Variants in SEMA6A observed in about 807,000 individuals in gnomAD.
SEMA6A encodes semaphorin-6A.
A neutral mutation model predicts 96.8 loss-of-function variants in SEMA6A; 25 were observed. That is an observed-to-expected ratio of 0.26 (90% CI 0.19 to 0.36). The LOEUF (loss-of-function observed/expected upper bound fraction) is 0.36, where lower values mean the gene tolerates loss of function less well. SEMA6A is among the 10% of genes least tolerant of loss of function. The pLI, the probability that SEMA6A is intolerant of heterozygous loss-of-function variation, is 1.00. For missense variants in SEMA6A, 1,363 were observed against 1,323.1 expected, an observed-to-expected ratio of 1.03 and a Z score of -0.47; for synonymous variants, 612 against 518.0, an observed-to-expected ratio of 1.18 and a Z score of -2.46.
intron 3 of SEMA6A, chr5:116,498,661 A>G (rs1286369043): frequency 6.6e-6 from 1 of 152,104 alleles, no homozygotes; most frequent in Non-Finnish European, 1.5e-5. Flanking sequence ...AGTTTCTTCA[A>G]ACTTCAGTAG....
intron 16 of SEMA6A, among the ~76,000 whole-genome samples, chr5:116,474,937 G>T (rs977045290): frequency 6.6e-6 from 1 of 152,116 alleles, no homozygotes; most frequent in African/African-American, 2.4e-5. Flanking sequence ...GATCCTTTAC[G>T]TAAAGTTCTA....
intron 1 of SEMA6A, among the ~76,000 whole-genome samples, chr5:116,522,380 C>T (rs1758998019): frequency 6.6e-6 from 1 of 152,094 alleles, no homozygotes; most frequent in Non-Finnish European, 1.5e-5. Context: ...GGATTTTTCC[C>T]AGGATCCCGT....
At chr5:116,449,517 G>A (rs1178174270) in intron 18 of SEMA6A, 8 of 561,384 alleles carry the variant, frequency 1.4e-5, no homozygotes, top group South Asian at 9.3e-5. Flanking sequence ...AGACCTTGAA[G>A]CTTTCTCATG....
intron 1 of SEMA6A, among the ~76,000 whole-genome samples, chr5:116,560,721 C>T (rs760662378): frequency 4.6e-5 from 7 of 151,992 alleles, no homozygotes; most frequent in Non-Finnish European, 7.4e-5. Context: ...TAAAATAGGA[C>T]TAGAATCCCA....
intron 18 of SEMA6A, among the ~76,000 whole-genome samples, chr5:116,464,698 G>C (rs889302862): frequency 6.6e-6 from 1 of 152,172 alleles, no homozygotes; most frequent in Non-Finnish European, 1.5e-5. Context: ...AGGGTGTTTC[G>C]ACAGAATGTG....
chr5:116,507,775 C>T (rs1758216767), intron 1 of SEMA6A, among the ~76,000 whole-genome samples: 2 of 152,098 alleles, frequency 1.3e-5, no homozygotes, highest in African/African-American at 4.8e-5. Context: ...CATAAGTAAG[C>T]CTATTATATC....
intron 1 of SEMA6A, among the ~76,000 whole-genome samples, chr5:116,554,050 C>T (rs183534102): frequency 9.2e-5 from 14 of 152,188 alleles, no homozygotes; most frequent in Admixed American, 3.9e-4. Flanking sequence ...AGGAGGGCCA[C>T]AGAGAGCCCT....
intron 18 of SEMA6A, among the ~76,000 whole-genome samples, chr5:116,460,788 T>G (rs1464442073): frequency 9.3e-6 from 1 of 107,018 alleles, no homozygotes; most frequent in Non-Finnish European, 2.0e-5. Flanking sequence ...AATCTCTTTT[T>G]TTTTTTTTTT....
At chr5:116,478,476 C>T in intron 13 of SEMA6A, 66 bp downstream of exon 13, 1 of 1,435,696 alleles carries the variant, frequency 7.0e-7, no homozygotes, top group Non-Finnish European at 9.3e-7. Flanking sequence ...ATGATTTTCT[C>T]TGAATGAAAG....
intron 1 of SEMA6A, among the ~76,000 whole-genome samples, chr5:116,527,029 C>T (rs1040477103): frequency 6.6e-6 from 1 of 152,034 alleles, no homozygotes; most frequent in Non-Finnish European, 1.5e-5. Flanking sequence ...AATCTGTGAC[C>T]TTAATATTAC....
intron 11 of SEMA6A, among the ~76,000 whole-genome samples, chr5:116,481,040 CCCTCACGA>C (rs1756736337): frequency 6.6e-6 from 1 of 152,074 alleles, no homozygotes; most frequent in Non-Finnish European, 1.5e-5. Flanking sequence ...GGAGATTGGA[CCCTCACGA>C]CACCAGCATG....
At chr5:116,504,682 T>A (rs1758057568) in intron 2 of SEMA6A, among the ~76,000 whole-genome samples, 163 bp downstream of exon 2, 1 of 152,154 alleles carries the variant, frequency 6.6e-6, no homozygotes, top group South Asian at 2.1e-4. Context: ...TATAGAAAAA[T>A]CATCCTATCA....
intron 1 of SEMA6A, among the ~76,000 whole-genome samples, chr5:116,534,033 G>GA (rs1287605740): frequency 2.0e-5 from 3 of 152,150 alleles, no homozygotes; most frequent in Non-Finnish European, 4.4e-5. Flanking sequence ...TCCCTTGAGG[G>GA]AAAAGTCCTT....
chr5:116,548,620 T>C (rs1021414693), intron 1 of SEMA6A, among the ~76,000 whole-genome samples: 3 of 152,164 alleles, frequency 2.0e-5, no homozygotes, highest in African/African-American at 7.2e-5. Context: ...AGTTTTAAGA[T>C]ATGTTTCCAA....
chr5:116,512,591 C>A (rs1386128518), intron 1 of SEMA6A, among the ~76,000 whole-genome samples: 1 of 152,136 alleles, frequency 6.6e-6, no homozygotes, highest in African/African-American at 2.4e-5. Context: ...AATATCTTTT[C>A]AAAAAATAAA....
rs1323962242 is a variant in SEMA6A at position 116,478,046 on chromosome 5, A to C, written c.1536T>G (p.Leu512=). The C allele has an allele frequency of 6.2e-7, 1 of 1,613,886 alleles. No individual in the cohort carries two copies. The highest frequency in any genetic ancestry group is 8.5e-7 in the Non-Finnish European group (1 of 1,179,888). ...AFSTCVIKVP[L]GRCERHGKCK... is the part of the protein sequence containing the mutation. Reference sequence around the variant, plus strand: ...ACTTCCCATGTCGTTCACACCGGCCAAGGGGAACCTTTATCACACAGGTAG... The same window carrying C: ...ACTTCCCATGTCGTTCACACCGGCCCAGGGGAACCTTTATCACACAGGTAG... Residue 512 remains leucine, a synonymous_variant, in exon 14 of 19, where the codon CTT becomes CTG. Coordinates refer to ENST00000343348, the MANE Select transcript of SEMA6A (RefSeq NM_020796.5).
Position 116,467,676 on chromosome 5 carries a change from C to T in SEMA6A, c.1801G>A (p.Gly601Arg). The change falls in exon 18 of 19, where the codon GGA becomes AGA. Residue 601 changes from glycine to arginine, a missense_variant. Physicochemically the swap from Gly to Arg is moderately radical, Grantham distance 125. Around this residue, in one of 2 missense-constraint regions of SEMA6A, gnomAD observed 883 missense variants for 763.6 expected, o/e 1.16. Transcript: ENST00000343348. ...STAQEGYESR[G>R]GMLDWKHLLD... Reference sequence around the variant, plus strand: ...AGATGCTTCCAGTCCAGCATTCCTCCCCTAGACTCATACCCCTCTTGAGCC... The same window carrying T: ...AGATGCTTCCAGTCCAGCATTCCTCTCCTAGACTCATACCCCTCTTGAGCC... 6.2e-7 allele frequency: 1 copy of T among 1,613,826 alleles called. No homozygotes were observed. Among genetic ancestry groups the T allele is most frequent in the South Asian group, 1.1e-5 (1 of 91,060 alleles).
At chr5:116,518,265 C>A (rs1489723214) in intron 1 of SEMA6A, among the ~76,000 whole-genome samples, 2 of 152,138 alleles carry the variant, frequency 1.3e-5, no homozygotes, top group African/African-American at 4.8e-5. Context: ...AAAGTGGACA[C>A]TGGGCGTCAG....
chr5:116,452,421 G>GTTTT (rs59419584), intron 18 of SEMA6A, among the ~76,000 whole-genome samples: 1 of 140,990 alleles, frequency 7.1e-6, no homozygotes, highest in Admixed American at 7.1e-5. Flanking sequence ...AATCTCCACT[G>GTTTT]TTTTTTTTTT....
Sources: gnomAD v4.1 joint callset for allele counts (sites outside exome capture counted in the v4.1 genomes callset) on GRCh38, gnomAD v4.1.1 for gene constraint, gnomAD v4.1.1 regional missense constraint, MANE v1.5 for transcripts, NCBI Gene and HGNC (gene_info 2026-07-23, HGNC 2026-07-21) for gene names.